Variants in LRCH2 observed in about 807,000 individuals in gnomAD.
The protein encoded by LRCH2 is leucine rich repeats and calponin homology domain containing 2.
LRCH2 carries 38 observed loss-of-function variants against 68.9 expected under a neutral mutation model. The observed-to-expected ratio is 0.55, with a 90% CI of 0.43 to 0.72. The LOEUF is 0.72. Among genes scored for constraint, LRCH2 ranks in the 30% least tolerant of loss-of-function variants. The pLI is 0.00. For missense variants in LRCH2, 528 were observed against 572.9 expected (o/e 0.92, Z 0.80); for synonymous variants, 191 against 208.1 (o/e 0.92, Z 0.71).
intron 1 of LRCH2, among the ~76,000 whole-genome samples, chrX:115,197,375 G>C (rs180722362): frequency 6.3e-5 from 7 of 111,690 alleles, no homozygotes; most frequent in African/African-American, 2.3e-4. Context: ...AGATGCCAGA[G>C]AAATCTAAAA....
chrX:115,158,906 T>A (rs1411773398), intron 11 of LRCH2, among the ~76,000 whole-genome samples: 1 of 112,080 alleles, frequency 8.9e-6, no homozygotes, highest in African/African-American at 3.2e-5. Flanking sequence ...AAAAGAGCAG[T>A]AGCCACCTTT....
chrX:115,191,744 G>C (rs1173458698), intron 1 of LRCH2: 6 of 1,161,922 alleles, frequency 5.2e-6, no homozygotes, highest in African/African-American at 1.8e-5. Flanking sequence ...GACAGTTCCA[G>C]CCGGAGCCAC....
chrX:115,167,697 A>G (rs2072575022), intron 6 of LRCH2, among the ~76,000 whole-genome samples: 1 of 112,087 alleles, frequency 8.9e-6, no homozygotes, highest in Non-Finnish European at 1.9e-5. Context: ...GGGAAAAATT[A>G]TAACATTTGC....
At position 115,206,763 on chromosome X, in the gene LRCH2, C is replaced by T. The variant is rs189313356; in HGVS notation, c.350-18393G>A. ...TGTGTGTCTTTAATTCCTCTAGCGCCGCTGGGTTAGGGTCTCCACAACTGA... is the reference window on the plus strand; with the variant it reads ...TGTGTGTCTTTAATTCCTCTAGCGCTGCTGGGTTAGGGTCTCCACAACTGA... On this transcript the variant is annotated intron_variant, in intron 1 of 20. Transcript: ENST00000317135. Among the ~76,000 whole-genome samples, 5 of 109,989 alleles carry T rather than the reference C, an allele frequency of 4.5e-5. No homozygotes were observed. The South Asian group carries it at 1.2e-3, about 26-fold the overall frequency.
At chrX:115,124,526 A>G (rs922656705) in intron 16 of LRCH2, among the ~76,000 whole-genome samples, 11 of 112,419 alleles carry the variant, frequency 9.8e-5, no homozygotes, top group Admixed American at 9.5e-4. Context: ...GATTTGTAGT[A>G]CATTAAACAA....
intron 14 of LRCH2, among the ~76,000 whole-genome samples, chrX:115,138,115 G>A (rs1343053202): frequency 9.8e-6 from 1 of 102,077 alleles, no homozygotes; most frequent in Non-Finnish European, 2.0e-5. Context: ...CCCTTTCTTC[G>A]CCCCCCTTCC....
chrX:115,139,566 G>A (rs1414878292), intron 14 of LRCH2, among the ~76,000 whole-genome samples: 1 of 111,684 alleles, frequency 9.0e-6, no homozygotes, highest in Non-Finnish European at 1.9e-5. Flanking sequence ...CAGATCACGA[G>A]GTCAGGAGTT....
intron 1 of LRCH2, among the ~76,000 whole-genome samples, chrX:115,230,589 A>G (rs2147373100): frequency 9.0e-6 from 1 of 111,723 alleles, no homozygotes; most frequent in East Asian, 2.8e-4. Context: ...ACAGCTGCCT[A>G]AAATACATTT....
At chrX:115,213,318 T>C (rs1359552641) in intron 1 of LRCH2, among the ~76,000 whole-genome samples, 2 of 111,226 alleles carry the variant, frequency 1.8e-5, no homozygotes, top group Non-Finnish European at 3.8e-5. Flanking sequence ...CAAGGTAAAA[T>C]ATTCAAATAT....
chrX:115,179,314 T>G, intron 5 of LRCH2, 113 bp downstream of exon 5: 1 of 631,633 alleles, frequency 1.6e-6, no homozygotes, highest in Non-Finnish European at 2.2e-6. Flanking sequence ...TAGACAACAG[T>G]GCTTGAACAA....
intron 1 of LRCH2, among the ~76,000 whole-genome samples, chrX:115,197,259 A>G (rs1401310701): frequency 9.0e-6 from 1 of 111,437 alleles, no homozygotes; most frequent in Non-Finnish European, 1.9e-5. Flanking sequence ...ATGGCCTCAA[A>G]TGAATGTAAT....
chrX:115,135,344 G>T (rs782264533), intron 14 of LRCH2, among the ~76,000 whole-genome samples: 2 of 108,943 alleles, frequency 1.8e-5, no homozygotes, highest in East Asian at 2.9e-4. Flanking sequence ...GCCCAAGCTG[G>T]TCTCAAACTC....
At chrX:115,141,990 GA>G (rs2072343914) in intron 14 of LRCH2, among the ~76,000 whole-genome samples, 1 of 111,244 alleles carries the variant, frequency 9.0e-6, no homozygotes, top group Non-Finnish European at 1.9e-5. Context: ...CATGCCAATG[GA>G]AACCAAAAAA....
chrX:115,176,380 T>C (rs959217511), intron 5 of LRCH2, among the ~76,000 whole-genome samples: 2 of 112,002 alleles, frequency 1.8e-5, no homozygotes, highest in African/African-American at 3.2e-5. Flanking sequence ...TGAAGTGATA[T>C]CTCATTGTGG....
chrX:115,167,925 G>C (rs1456443554), intron 6 of LRCH2, among the ~76,000 whole-genome samples: 1 of 112,010 alleles, frequency 8.9e-6, no homozygotes, highest in African/African-American at 3.2e-5. Flanking sequence ...AAATGACAAT[G>C]ATGATAATAA....
At chrX:115,145,581 C>T (rs1222909733) in intron 14 of LRCH2, among the ~76,000 whole-genome samples, 1 of 111,417 alleles carries the variant, frequency 9.0e-6, no homozygotes, top group African/African-American at 3.3e-5. Flanking sequence ...GGAGCTCAAG[C>T]GACTCTTTAG....
intron 1 of LRCH2, among the ~76,000 whole-genome samples, chrX:115,196,907 G>A (rs1032758206): frequency 1.8e-5 from 2 of 110,849 alleles, no homozygotes; most frequent in Non-Finnish European, 3.8e-5. Flanking sequence ...GCTGTCCCAG[G>A]TCACAAGGAT....
chrX:115,165,858 T>C lies in LRCH2; in HGVS notation c.1181A>G (p.Lys394Arg). 1 of 1,155,534 alleles carries C rather than the reference T, an allele frequency of 8.7e-7. No individual in the cohort carries two copies. Among genetic ancestry groups the C allele is most frequent in the Non-Finnish European group, 1.2e-6 (1 of 862,560 alleles). ...TGAATTACCTTTCTGAGAATCAGTC[T>C]TACTTCCTATTATGTGACTGTCATT... ...SRNDSHIIGS[K>R]TDSQKDQEVY... is the part of the protein sequence containing the mutation. The change falls in exon 8 of 21, where the codon AAG (lysine) becomes AGG (arginine). Residue 394 changes from lysine (K) to arginine (R), a missense_variant. Transcript: ENST00000317135.
chrX:115,131,069 A>T (rs1160315520), intron 14 of LRCH2, among the ~76,000 whole-genome samples: 9 of 110,941 alleles, frequency 8.1e-5, no homozygotes, highest in African/African-American at 3.0e-4. Context: ...AAATTTTTTT[A>T]AATTATTATT....
Sources: allele counts gnomAD v4.1 joint callset (sites outside exome capture counted in the v4.1 genomes callset), GRCh38; gene constraint gnomAD v4.1.1; transcripts MANE v1.5; gene names NCBI Gene and HGNC (gene_info 2026-07-23, HGNC 2026-07-21).